The following MYLK4 variants were observed in gnomAD, a reference collection of about 807,000 sequenced individuals.
The protein encoded by MYLK4 is myosin light chain kinase family member 4.
In MYLK4, 46 loss-of-function variants were observed where a neutral mutation model predicts 48.1. The ratio of observed to expected loss-of-function variants is 0.96; its 90% confidence interval spans 0.75 to 1.22. The LOEUF is 1.22. Among genes scored for constraint, MYLK4 ranks in the 50% most tolerant of loss-of-function variants. The pLI is 0.00. For synonymous variants in MYLK4, 170 were observed against 180.8 expected (o/e 0.94, Z 0.48); for missense variants, 451 against 486.1 (o/e 0.93, Z 0.68).
intron 2 of MYLK4, among the ~76,000 whole-genome samples, chr6:2,724,304 G>A (rs143288462): frequency 4.6e-5 from 7 of 152,322 alleles, no homozygotes; most frequent in Admixed American, 1.3e-4. Flanking sequence ...ATGTCTCCCA[G>A]TGTTCCTGCT....
chr6:2,670,378 A>AACAAACAC (rs1760838051), intron 12 of MYLK4, among the ~76,000 whole-genome samples: 1 of 151,632 alleles, frequency 6.6e-6, no homozygotes, highest in African/African-American at 2.4e-5. Flanking sequence ...AAAACAAACA[A>AACAAACAC]ACAAACAAAC....
intron 2 of MYLK4, among the ~76,000 whole-genome samples, chr6:2,700,533 CG>C (rs750939478): frequency 2.6e-5 from 4 of 152,150 alleles, no homozygotes; most frequent in Non-Finnish European, 5.9e-5. Context: ...TTCCTCCCCC[CG>C]ATAAGCAAGG....
chr6:2,678,378 G>A lies in MYLK4; in HGVS notation c.888-6C>T, dbSNP rs1279127012. ...AAGGCGACAAACCGCTAAGTCTGGAGGACACGGGGTCCAGAGTGAGTATTT... is the reference window on the plus strand; with the variant it reads ...AAGGCGACAAACCGCTAAGTCTGGAAGACACGGGGTCCAGAGTGAGTATTT... On this transcript the variant is annotated splice_polypyrimidine_tract_variant and splice_region_variant and intron_variant, in intron 9 of 12. Transcript: ENST00000274643. 6.2e-7 allele frequency: 1 copy of A among 1,613,734 alleles called. No homozygotes were observed. Among genetic ancestry groups the A allele is most frequent in the Non-Finnish European group, 8.5e-7 (1 of 1,179,958 alleles).
chr6:2,747,072 TG>T (rs1764120355), intron 2 of MYLK4, among the ~76,000 whole-genome samples: 1 of 152,212 alleles, frequency 6.6e-6, no homozygotes, highest in African/African-American at 2.4e-5. Flanking sequence ...AGAAATTGAA[TG>T]GGACACATGG....
At chr6:2,709,365 T>C (rs1762596089) in intron 2 of MYLK4, among the ~76,000 whole-genome samples, 1 of 152,240 alleles carries the variant, frequency 6.6e-6, no homozygotes, top group Non-Finnish European at 1.5e-5. Context: ...CTGTCAGTGG[T>C]GCCATGAGAC....
Position 2,685,563 on chromosome 6 carries a change from G to A in MYLK4, c.355C>T (p.Gln119Ter). Reference protein sequence around the residue: ...TEILGGGRFGQVHKCEETATG... With the variant: ...TEILGGGRFG Reference sequence around the variant, plus strand: ...GCCGTCTCCTCACACTTGTGAACCTGGCCGAAACGCCCTCTGCCAAAAAGA... The same window carrying A: ...GCCGTCTCCTCACACTTGTGAACCTAGCCGAAACGCCCTCTGCCAAAAAGA... The change falls in exon 5 of 13, where the codon CAG (glutamine) becomes TAG (stop). Residue 119 changes from glutamine to a stop codon, truncating the protein, a stop_gained. Coordinates refer to ENST00000274643, the MANE Select transcript of MYLK4 (RefSeq NM_001012418.5). LOFTEE classifies it high-confidence loss of function. The surrounding 1 kb of genome is among the most constrained non-coding windows in gnomAD (Gnocchi z 4.5). 6.2e-7 allele frequency: 1 copy of A among 1,614,148 alleles called. No homozygotes were observed. The highest frequency in any genetic ancestry group is 8.5e-7 in the Non-Finnish European group (1 of 1,180,030).
chr6:2,760,456 T>C, the MYLK4 span, among the ~76,000 whole-genome samples: 1 of 152,204 alleles, frequency 6.6e-6, no homozygotes, highest in East Asian at 1.9e-4. Context: ...GTAGGCATGA[T>C]TGATTAAATT....
the MYLK4 span, among the ~76,000 whole-genome samples, chr6:2,769,082 TAAATG>T: frequency 1.3e-5 from 2 of 152,216 alleles, no homozygotes. Context: ...CTCTATCTGA[TAAATG>T]AAATGGTTGG....
At chr6:2,763,549 G>C in the MYLK4 span, among the ~76,000 whole-genome samples, 1 of 152,216 alleles carries the variant, frequency 6.6e-6, no homozygotes, top group African/African-American at 2.4e-5. Flanking sequence ...CGGTGGTGCA[G>C]GCCGCTCCGA....
chr6:2,768,548 T>TG, the MYLK4 span: 1 of 523,752 alleles, frequency 1.9e-6, no homozygotes, highest in Admixed American at 4.0e-5. Context: ...GTGGTATTTT[T>TG]GATTGTTTCT....
intron 2 of MYLK4, among the ~76,000 whole-genome samples, chr6:2,725,577 AAAAG>A (rs768872849): frequency 1.6e-5 from 2 of 128,886 alleles, no homozygotes; most frequent in African/African-American, 2.9e-5. Context: ...GAAAGAAAGA[AAAAG>A]AAAGAGAAAG....
the MYLK4 span, among the ~76,000 whole-genome samples, chr6:2,766,688 T>C: frequency 3.3e-5 from 5 of 152,218 alleles, no homozygotes; most frequent in African/African-American, 4.8e-5. Context: ...GGACGATGTC[T>C]GTGAATCCAT....
At chr6:2,765,962 C>A in the MYLK4 span, 1 of 1,420,378 alleles carries the variant, frequency 7.0e-7, no homozygotes. Flanking sequence ...CTACGACGCG[C>A]CGCCCACACC....
At chr6:2,712,950 CT>C (rs2113255591) in intron 2 of MYLK4, among the ~76,000 whole-genome samples, 1 of 152,366 alleles carries the variant, frequency 6.6e-6, no homozygotes, top group South Asian at 2.1e-4. Context: ...GACATGTGCC[CT>C]TGAGGAAGGC....
At chr6:2,667,961 T>C (rs923128199) in intron 12 of MYLK4, 62 bp from the exon 13 acceptor site, 2 of 152,600 alleles carry the variant, frequency 1.3e-5, no homozygotes, top group Non-Finnish European at 2.9e-5. Flanking sequence ...TTATAATTAG[T>C]TGGTTGTGCC....
intron 10 of MYLK4, among the ~76,000 whole-genome samples, chr6:2,675,602 C>G (rs989335627): frequency 6.6e-6 from 1 of 151,828 alleles, no homozygotes; most frequent in African/African-American, 2.4e-5. Context: ...GAAATAGAGT[C>G]GATGTAATTA....
chr6:2,705,693 A>G (rs747578725), intron 2 of MYLK4, among the ~76,000 whole-genome samples: 62 of 152,252 alleles, frequency 4.1e-4, no homozygotes, highest in Non-Finnish European at 8.4e-4. Flanking sequence ...GAACAAGAAG[A>G]AATCTGAAAA....
the MYLK4 span, among the ~76,000 whole-genome samples, chr6:2,766,997 A>C: frequency 1.2e-3 from 180 of 152,324 alleles, no homozygotes; most frequent in African/African-American, 4.2e-3. Context: ...TATTGATTTT[A>C]CTAAATATAC....
At chr6:2,739,526 G>A (rs1017531133) in intron 2 of MYLK4, among the ~76,000 whole-genome samples, 2 of 152,114 alleles carry the variant, frequency 1.3e-5, no homozygotes, top group South Asian at 2.1e-4. Context: ...CTATGGAAAC[G>A]CCATGACAAC....
Sources: allele counts gnomAD v4.1 joint callset (sites outside exome capture counted in the v4.1 genomes callset), GRCh38; gene constraint gnomAD v4.1.1; non-coding constraint Gnocchi (gnomAD v3.1); transcripts MANE v1.5; gene names NCBI Gene and HGNC (gene_info 2026-07-23, HGNC 2026-07-21).